The following ELMO1 variants were observed in gnomAD, a reference collection of about 807,000 sequenced individuals.
ELMO1 encodes engulfment and cell motility 1, also known as engulfment and cell motility protein 1.
A neutral mutation model predicts 98.9 loss-of-function variants in ELMO1; 26 were observed. The ratio of observed to expected loss-of-function variants is 0.26; its 90% CI spans 0.19 to 0.36. The LOEUF (loss-of-function observed/expected upper bound fraction) is 0.36. Ranked by LOEUF, ELMO1 falls within the 10% of genes least tolerant of loss-of-function variation. The pLI is 1.00. For synonymous variants in ELMO1, 346 were observed against 346.0 expected, an observed-to-expected ratio of 1.00 and a Z score of 0.00; for missense variants, 627 against 935.2, an observed-to-expected ratio of 0.67 and a Z score of 4.30.
chr7:37,355,206 G>C (rs1801449722), intron 1 of ELMO1, among the ~76,000 whole-genome samples: 1 of 152,124 alleles, frequency 6.6e-6, no homozygotes, highest in Non-Finnish European at 1.5e-5. Context: ...CTGTGACTCT[G>C]GACAAATTAC....
chr7:37,321,544 C>T (rs1290597837), intron 2 of ELMO1, among the ~76,000 whole-genome samples: 1 of 151,412 alleles, frequency 6.6e-6, no homozygotes, highest in Non-Finnish European at 1.5e-5. Context: ...GTTGAAACCC[C>T]GTCTCTACTA....
chr7:36,857,197 C>T (rs942364875), intron 21 of ELMO1, among the ~76,000 whole-genome samples: 1 of 152,106 alleles, frequency 6.6e-6, no homozygotes, highest in East Asian at 1.9e-4. Flanking sequence ...TTTAACCCAT[C>T]GAAACATCAA....
At chr7:37,063,478 C>G (rs771026082) in intron 15 of ELMO1, among the ~76,000 whole-genome samples, 1 of 152,170 alleles carries the variant, frequency 6.6e-6, no homozygotes, top group Non-Finnish European at 1.5e-5. Context: ...TAGGCATATG[C>G]TTTCCTTCCC....
intron 12 of ELMO1, 86 bp from the exon 13 acceptor site, chr7:37,211,603 G>C: frequency 1.3e-6 from 2 of 1,505,174 alleles, no homozygotes; most frequent in Middle Eastern, 1.8e-4. Flanking sequence ...TCTTTCCCTG[G>C]GGTCTAAATG....
intron 2 of ELMO1, among the ~76,000 whole-genome samples, chr7:37,331,371 A>C (rs1800112710): frequency 3.0e-5 from 1 of 33,238 alleles, no homozygotes; most frequent in Non-Finnish European, 6.0e-5. Flanking sequence ...TTTAGTAGAG[A>C]CAGGGTTTCA....
At chr7:37,413,812 G>T (rs912385396) in intron 1 of ELMO1, among the ~76,000 whole-genome samples, 3 of 152,048 alleles carry the variant, frequency 2.0e-5, no homozygotes, top group Admixed American at 2.0e-4. Flanking sequence ...CAAATAGCGG[G>T]GATTACAGGC....
At chr7:37,014,618 T>TCCCCCAGTC (rs1793793959) in intron 15 of ELMO1, among the ~76,000 whole-genome samples, 1 of 151,924 alleles carries the variant, frequency 6.6e-6, no homozygotes, top group South Asian at 2.1e-4. Context: ...ATGCTCTCTA[T>TCCCCCAGTC]CCCCCAGTCC....
At chr7:37,069,029 C>T (rs1398402310) in intron 15 of ELMO1, among the ~76,000 whole-genome samples, 9 of 152,152 alleles carry the variant, frequency 5.9e-5, no homozygotes. Flanking sequence ...CTCATCTCTC[C>T]GTGTAAGAGT....
chr7:37,292,609 G>A (rs1476719941), intron 4 of ELMO1, among the ~76,000 whole-genome samples: 2 of 117,652 alleles, frequency 1.7e-5, no homozygotes, highest in African/African-American at 2.8e-5. Flanking sequence ...TGCCCCGTCC[G>A]GGATGTGAGG....
At chr7:37,037,422 C>T (rs1451078662) in intron 15 of ELMO1, among the ~76,000 whole-genome samples, 2 of 152,146 alleles carry the variant, frequency 1.3e-5, no homozygotes, top group African/African-American at 2.4e-5. Context: ...CAACTCTGTC[C>T]GCTAACCCCT....
intron 14 of ELMO1, among the ~76,000 whole-genome samples, chr7:37,098,935 G>A (rs1784499545): frequency 6.6e-6 from 1 of 152,102 alleles, no homozygotes; most frequent in Non-Finnish European, 1.5e-5. Flanking sequence ...ACATTCCCTT[G>A]TATTTCACAT....
At chr7:37,228,620 T>C (rs993303314) in intron 8 of ELMO1, among the ~76,000 whole-genome samples, 1 of 152,216 alleles carries the variant, frequency 6.6e-6, no homozygotes, top group East Asian at 1.9e-4. Flanking sequence ...TAAGGGGCAT[T>C]ACAGTGCATG....
chr7:37,064,067 C>T (rs752947131), intron 15 of ELMO1, among the ~76,000 whole-genome samples: 1 of 152,120 alleles, frequency 6.6e-6, no homozygotes, highest in Non-Finnish European at 1.5e-5. Flanking sequence ...TTTCTCTGGG[C>T]CTACATGGAG....
intron 1 of ELMO1, among the ~76,000 whole-genome samples, chr7:37,356,731 C>G (rs535284426): frequency 1.3e-5 from 2 of 150,270 alleles, no homozygotes; most frequent in African/African-American, 4.9e-5. Flanking sequence ...GCACATTCTG[C>G]ACATGTATCC....
At chr7:37,316,778 T>C (rs763463451) in intron 2 of ELMO1, among the ~76,000 whole-genome samples, 5 of 151,980 alleles carry the variant, frequency 3.3e-5, no homozygotes, top group Admixed American at 6.6e-5. Flanking sequence ...GAAGAGAAGA[T>C]GAGAAATCAG....
chr7:37,145,645 GT>G (rs1787933088), intron 13 of ELMO1, among the ~76,000 whole-genome samples: 2 of 152,330 alleles, frequency 1.3e-5, no homozygotes, highest in South Asian at 4.1e-4. Context: ...TGCCATGCTA[GT>G]CCTTTATTAG....
intron 16 of ELMO1, among the ~76,000 whole-genome samples, chr7:36,957,853 T>G (rs939409615): frequency 1.3e-5 from 2 of 152,198 alleles, no homozygotes; most frequent in African/African-American, 4.8e-5. Context: ...TCGCTTTGCA[T>G]GTAGCCCCAG....
intron 16 of ELMO1, among the ~76,000 whole-genome samples, chr7:36,945,864 G>A (rs1204140149): frequency 1.3e-5 from 2 of 152,182 alleles, no homozygotes; most frequent in Non-Finnish European, 2.9e-5. Context: ...TAAAAGGGGC[G>A]AACACATCCC....
At chr7:37,113,821 CAGA>C (rs779583042) in intron 14 of ELMO1, among the ~76,000 whole-genome samples, 153 of 152,108 alleles carry the variant, frequency 1.0e-3, no homozygotes, top group Non-Finnish European at 2.0e-3. Context: ...TGTGAGTGCA[CAGA>C]AGGATGGCCA....
Sources: gnomAD v4.1 joint callset for allele counts (sites outside exome capture counted in the v4.1 genomes callset) on GRCh38, gnomAD v4.1.1 for gene constraint, MANE v1.5 for transcripts, NCBI Gene and HGNC (gene_info 2026-07-23, HGNC 2026-07-21) for gene names.